The following ZNF680 variants were observed in gnomAD, a reference collection of about 807,000 sequenced individuals.
The protein encoded by ZNF680 is hypothetical protein FLJ90430.
In ZNF680, 6 loss-of-function variants were observed where a neutral mutation model predicts 12.1. That is an observed-to-expected ratio of 0.49 (90% CI 0.27 to 0.98). The LOEUF is 0.98. ZNF680 is among the 50% of genes least tolerant of loss of function. The probability of loss-of-function intolerance (pLI) is 0.12; values close to 1 mark genes in which losing one functional copy is unlikely to be tolerated. For missense variants in ZNF680, 561 were observed against 616.3 expected (o/e 0.91, Z 0.95); for synonymous variants, 170 against 199.3 (o/e 0.85, Z 1.24).
intron 1 of ZNF680, among the ~76,000 whole-genome samples, chr7:64,554,080 C>A (rs7797304): frequency 1.5e-4 from 22 of 150,262 alleles, no homozygotes; most frequent in East Asian, 1.4e-3. Flanking sequence ...TCTGCCCGGC[C>A]GCCCAGTCTG....
At chr7:64,508,123 G>GTATATATATATATATA in the ZNF680 span, among the ~76,000 whole-genome samples, 178 of 117,648 alleles carry the variant, frequency 1.5e-3, 8 homozygotes, top group Middle Eastern at 8.3e-3. Flanking sequence ...ATTTTAAAAT[G>GTATATATATATATATA]TATATATATA....
Position 64,544,438 on chromosome 7 carries a change from AAAC to A in ZNF680, c.31-9_31-7del. On this transcript the variant is annotated splice_region_variant and splice_polypyrimidine_tract_variant and intron_variant, in intron 1 of 3. Transcript: ENST00000309683. ...TCCCTAAATGTCAGTGGTCCCTGAA[AAAC>A]ACACACACACACACACACACACACA... 1 of 1,558,952 alleles carries A rather than the reference AAAC, an allele frequency of 6.4e-7. No individual in the cohort carries two copies.
chr7:64,525,062 A>C (rs1292841084), intron 3 of ZNF680: 1 of 152,082 alleles, frequency 6.6e-6, no homozygotes, highest in Non-Finnish European at 1.5e-5. Context: ...AAGTATATAA[A>C]GTCTTAAGAG....
intron 1 of ZNF680, among the ~76,000 whole-genome samples, chr7:64,548,841 G>T (rs1786916547): frequency 1.3e-5 from 2 of 152,026 alleles, no homozygotes; most frequent in South Asian, 4.1e-4. Flanking sequence ...AAATGAAACT[G>T]GCCGGGCGCG....
chr7:64,536,175 A>C (rs998367360), intron 3 of ZNF680, among the ~76,000 whole-genome samples: 4 of 152,162 alleles, frequency 2.6e-5, no homozygotes. Flanking sequence ...AGATATCAAG[A>C]CCCCATTTTC....
chr7:64,544,247 A>G (rs542741605), intron 2 of ZNF680, 59 bp downstream of exon 2: 3 of 1,550,454 alleles, frequency 1.9e-6, no homozygotes, highest in East Asian at 4.7e-5. Context: ...AGTTATGCAA[A>G]AAAAGAGAAA....
At chr7:64,540,343 C>T (rs1200784077) in intron 3 of ZNF680, among the ~76,000 whole-genome samples, 1 of 142,438 alleles carries the variant, frequency 7.0e-6, no homozygotes, top group African/African-American at 2.7e-5. Context: ...CTCGCTCTGT[C>T]GCCCAGGCTG....
At chr7:64,533,803 A>G (rs1786013589) in intron 3 of ZNF680, among the ~76,000 whole-genome samples, 1 of 152,174 alleles carries the variant, frequency 6.6e-6, no homozygotes, top group South Asian at 2.1e-4. Context: ...GCATGTTACT[A>G]TTATAAAAAT....
chr7:64,556,190 T>C (rs1379270709), intron 1 of ZNF680, among the ~76,000 whole-genome samples: 9 of 145,198 alleles, frequency 6.2e-5, no homozygotes, highest in African/African-American at 2.1e-4. Flanking sequence ...AAAATGGCCA[T>C]ACTGCCAAAT....
At chr7:64,514,563 T>A in the ZNF680 span, among the ~76,000 whole-genome samples, 13 of 152,026 alleles carry the variant, frequency 8.6e-5, no homozygotes, top group African/African-American at 3.1e-4. Flanking sequence ...AATAAAAAAA[T>A]TCTATAATAA....
chr7:64,532,096 G>A (rs192195321), intron 3 of ZNF680, among the ~76,000 whole-genome samples: 138 of 152,264 alleles, frequency 9.1e-4, no homozygotes, highest in African/African-American at 3.1e-3. Context: ...ACAAGGTCAG[G>A]CGACTGAGAC....
At chr7:64,516,453 C>A (rs1791356480), downstream of ZNF680, among the ~76,000 whole-genome samples, 2 of 152,082 alleles carry the variant, frequency 1.3e-5, no homozygotes, top group Non-Finnish European at 2.9e-5. Context: ...GCTTTATAAG[C>A]TCCCAAATTT....
intron 1 of ZNF680, among the ~76,000 whole-genome samples, chr7:64,559,983 G>A (rs926165612): frequency 1.3e-5 from 2 of 152,010 alleles, no homozygotes; most frequent in Admixed American, 6.6e-5. Context: ...CAAGATAACA[G>A]GGTATAGACT....
chr7:64,506,272 G>A, the ZNF680 span, among the ~76,000 whole-genome samples: 9 of 150,276 alleles, frequency 6.0e-5, no homozygotes, highest in Non-Finnish European at 8.8e-5. Context: ...GCGCCATCTC[G>A]GCTACTGCAA....
In ZNF680 at chr7:64,521,932, G is replaced by C; in HGVS notation, c.822C>G (p.Ala274=). 1 of 1,609,914 alleles carries C rather than the reference G, an allele frequency of 6.2e-7. No homozygotes were observed. ...TACTAAGGATTGAGAATAAACTAAA[G>C]GCTTTGCCACATTCTTCACATTTGA... is the stretch of plus-strand genomic sequence containing the variant. ...KPFKCEECGK[A]FSLFSILSKH... The change falls in exon 4 of 4, where the codon GCC becomes GCG. Residue 274 remains alanine (A), a synonymous_variant. Transcript: ENST00000309683.
Position 64,521,872 on chromosome 7 carries a change from G to A in ZNF680, c.882C>T (p.Tyr294=). The A allele has an allele frequency of 1.2e-6, 2 of 1,613,354 alleles. No homozygotes were observed. Among genetic ancestry groups the A allele is most frequent in the South Asian group, 1.1e-5 (1 of 91,038 alleles). ...HKIIHTGDKP[Y]KCDECHKAFN... ...AGGCTTTGTGACATTCATCACATTT[G>A]TAAGGTTTGTCTCCAGTATGAATTA... The change falls in exon 4 of 4, where the codon TAC becomes TAT. Residue 294 remains tyrosine (Y), a synonymous_variant. Coordinates refer to ENST00000309683, the MANE Select transcript of ZNF680 (RefSeq NM_178558.5).
At chr7:64,507,259 G>A in the ZNF680 span, among the ~76,000 whole-genome samples, 7 of 152,140 alleles carry the variant, frequency 4.6e-5, no homozygotes, top group Admixed American at 1.3e-4. Flanking sequence ...AAAGTAGAAA[G>A]TGGAGTAATG....
At chr7:64,542,231 C>CA (rs67884956) in intron 3 of ZNF680, among the ~76,000 whole-genome samples, 1 of 151,650 alleles carries the variant, frequency 6.6e-6, no homozygotes, top group Non-Finnish European at 1.5e-5. Flanking sequence ...GAGAACCCAA[C>CA]AAAAAAAATC....
At chr7:64,508,718 T>C in the ZNF680 span, among the ~76,000 whole-genome samples, 1 of 152,186 alleles carries the variant, frequency 6.6e-6, no homozygotes, top group Non-Finnish European at 1.5e-5. Flanking sequence ...GGGCTATACC[T>C]CAGTGTTATC....
Sources: allele counts gnomAD v4.1 joint callset (sites outside exome capture counted in the v4.1 genomes callset), GRCh38; gene constraint gnomAD v4.1.1; transcripts MANE v1.5; gene names NCBI Gene and HGNC (gene_info 2026-07-23, HGNC 2026-07-21).